Variants in LRRC4C observed in about 807,000 individuals in gnomAD.
LRRC4C encodes the protein leucine rich repeat containing 4C.
A neutral mutation model predicts 33.6 loss-of-function variants in LRRC4C; 5 were observed. The observed-to-expected ratio is 0.15, with a 90% CI of 0.08 to 0.31. The LOEUF is 0.31. Among genes scored for constraint, LRRC4C ranks in the 10% least tolerant of loss-of-function variants. LRRC4C has a pLI of 1.00. For synonymous variants in LRRC4C, 329 were observed against 302.0 expected, an observed-to-expected ratio of 1.09 and a Z score of -0.93; for missense variants, 560 against 796.7, an observed-to-expected ratio of 0.70 and a Z score of 3.58.
intron 1 of LRRC4C, among the ~76,000 whole-genome samples, chr11:41,135,124 C>T (rs1943199095): frequency 6.6e-6 from 1 of 152,018 alleles, no homozygotes; most frequent in African/African-American, 2.4e-5. Flanking sequence ...TGACACATGG[C>T]CATAAGGGTT....
chr11:41,386,950 C>A (rs1039062188), intron 1 of LRRC4C, among the ~76,000 whole-genome samples: 63 of 151,802 alleles, frequency 4.2e-4, no homozygotes, highest in African/African-American at 1.4e-3. Flanking sequence ...TTAAAATTAG[C>A]AATCAAATAT....
chr11:40,180,795 A>G (rs1287538560), intron 5 of LRRC4C, among the ~76,000 whole-genome samples: 3 of 152,262 alleles, frequency 2.0e-5, no homozygotes, highest in African/African-American at 7.2e-5. Flanking sequence ...GCTATAGCAT[A>G]TAAGTAAATA....
chr11:40,289,792 A>G (rs1408955463), intron 4 of LRRC4C, among the ~76,000 whole-genome samples: 2 of 152,210 alleles, frequency 1.3e-5, no homozygotes, highest in African/African-American at 4.8e-5. Context: ...ATGAAAGATG[A>G]TGACACCTTA....
rs1287917699 is a variant in LRRC4C at position 40,116,178 on chromosome 11, C to G, written c.115G>C (p.Ala39Pro). 1.9e-6 allele frequency: 3 copies of G among 1,613,938 alleles called. No homozygotes were observed. Among genetic ancestry groups the G allele is most frequent in the Non-Finnish European group, 1.7e-6 (2 of 1,179,930 alleles). ...CAGGTCTGAGCCCGCACCAGACCAG[C>G]CACCACAAGAAGTTGAAGAGCCAGC... ...VLLALQLLVV[A>P]GLVRAQTCPS... Residue 39 changes from alanine (A) to proline (P), a missense_variant, in exon 7 of 7, where the codon GCT becomes CCT. By Grantham distance (27) the Ala-to-Pro change is conservative. This residue lies in a region of LRRC4C where 455 missense variants were observed against 643.8 expected (regional missense o/e 0.71). Transcript: ENST00000528697.
chr11:41,370,894 T>G (rs1428721263), intron 1 of LRRC4C, among the ~76,000 whole-genome samples: 2 of 152,114 alleles, frequency 1.3e-5, no homozygotes, highest in East Asian at 3.9e-4. Flanking sequence ...GCAACATCCC[T>G]TCTCCTTTCT....
chr11:40,261,133 ACTGGGATTATAGGCATGAGT>A (rs1367625310), intron 4 of LRRC4C, among the ~76,000 whole-genome samples: 3 of 152,212 alleles, frequency 2.0e-5, no homozygotes, highest in South Asian at 2.1e-4. Context: ...TTCCCACAGC[ACTGGGATTATAGGCATGAGT>A]CTGGGATTAT....
chr11:40,832,689 T>C (rs1952473867), intron 2 of LRRC4C, among the ~76,000 whole-genome samples: 1 of 152,178 alleles, frequency 6.6e-6, no homozygotes, highest in Non-Finnish European at 1.5e-5. Context: ...AAAATCTTCA[T>C]GATTGGATAC....
intron 1 of LRRC4C, among the ~76,000 whole-genome samples, chr11:41,249,371 A>T (rs1189250453): frequency 2.0e-5 from 3 of 152,068 alleles, no homozygotes; most frequent in African/African-American, 7.2e-5. Context: ...CTTGCAAGAG[A>T]CTTCTAACCA....
rs59538764 is a variant in LRRC4C, at chr11:40,429,568, T to TAAAAAAAA, written c.-269-109855_-269-109848dup. 2.2e-4 allele frequency among the ~76,000 whole-genome samples: 32 copies of TAAAAAAAA among 147,734 alleles called. 1 individual carries two copies. The highest frequency in any genetic ancestry group is 6.8e-4 in the African/African-American group (27 of 39,614). The stretch of plus-strand genomic sequence containing the variant: ...TCTTTTGAATCAGGTGCAATAATAA[T>TAAAAAAAA]AAAAAAAAAACAAAACAAAACATGT... On this transcript the variant is annotated intron_variant, in intron 3 of 6. Coordinates refer to ENST00000528697, the MANE Select transcript of LRRC4C (RefSeq NM_001258419.2).
intron 4 of LRRC4C, among the ~76,000 whole-genome samples, chr11:40,272,476 C>G (rs1348981318): frequency 6.6e-6 from 1 of 152,100 alleles, no homozygotes; most frequent in Non-Finnish European, 1.5e-5. Flanking sequence ...TAAGAATCAT[C>G]TATTCTTTAA....
chr11:40,554,382 A>AT (rs1164225384), intron 3 of LRRC4C, among the ~76,000 whole-genome samples: 1 of 152,172 alleles, frequency 6.6e-6, no homozygotes, highest in East Asian at 1.9e-4. Context: ...GTAGTTTGAA[A>AT]TTGGGTAATA....
In LRRC4C at chr11:41,290,843, C is replaced by A. The variant is rs112008566; in HGVS notation, c.-496+168588G>T. ...TACAATCCAATGAGAAGAAAAGAAT[C>A]ATTATGAACCTCAGACCAAGATGAT... is the stretch of plus-strand genomic sequence containing the variant. On this transcript the variant is annotated intron_variant, in intron 1 of 6. Coordinates refer to ENST00000528697, the MANE Select transcript of LRRC4C (RefSeq NM_001258419.2). Among the ~76,000 whole-genome samples the A allele has an allele frequency of 4.7e-3, 717 of 152,190 alleles. 3 individuals carry two copies. The highest frequency in any genetic ancestry group is 0.015 in the African/African-American group (636 of 41,526).
At chr11:40,539,689 G>A (rs1024073211) in intron 3 of LRRC4C, among the ~76,000 whole-genome samples, 4 of 152,082 alleles carry the variant, frequency 2.6e-5, no homozygotes, top group Non-Finnish European at 5.9e-5. Context: ...CAAGATAGAT[G>A]AAGAGTCCTT....
intron 2 of LRRC4C, among the ~76,000 whole-genome samples, chr11:40,795,530 A>AAAAT (rs1334329251): frequency 1.3e-5 from 2 of 151,976 alleles, no homozygotes; most frequent in African/African-American, 2.4e-5. Flanking sequence ...ACTCCGTCTC[A>AAAAT]AAATAAATAA....
At chr11:40,384,895 G>T (rs1048313757) in intron 3 of LRRC4C, among the ~76,000 whole-genome samples, 1 of 151,934 alleles carries the variant, frequency 6.6e-6, no homozygotes, top group African/African-American at 2.4e-5. Flanking sequence ...AAATTATCCT[G>T]CAAACATAAA....
intron 2 of LRRC4C, among the ~76,000 whole-genome samples, chr11:40,864,341 T>C (rs140081919): frequency 6.6e-6 from 1 of 152,270 alleles, no homozygotes; most frequent in African/African-American, 2.4e-5. Context: ...AGTGCTGAGA[T>C]TGCAGGTGTG....
intron 1 of LRRC4C, among the ~76,000 whole-genome samples, chr11:41,008,595 T>G (rs1420893544): frequency 6.6e-6 from 1 of 152,168 alleles, no homozygotes; most frequent in Non-Finnish European, 1.5e-5. Context: ...AAAGAGTCTT[T>G]TGTGATGAGT....
intron 3 of LRRC4C, among the ~76,000 whole-genome samples, chr11:40,472,630 T>C (rs1278509013): frequency 6.6e-6 from 1 of 151,278 alleles, no homozygotes; most frequent in East Asian, 2.0e-4. Context: ...CTGAAGGAGA[T>C]AGAGACACAA....
At chr11:41,169,064 G>A (rs1944855888) in intron 1 of LRRC4C, among the ~76,000 whole-genome samples, 1 of 152,148 alleles carries the variant, frequency 6.6e-6, no homozygotes, top group Non-Finnish European at 1.5e-5. Context: ...ATTACACGAA[G>A]TATTTTTTAA....
Sources: allele counts gnomAD v4.1 joint callset (sites outside exome capture counted in the v4.1 genomes callset), GRCh38; gene constraint gnomAD v4.1.1; regional missense constraint gnomAD v4.1.1; transcripts MANE v1.5; gene names NCBI Gene and HGNC (gene_info 2026-07-23, HGNC 2026-07-21).